CNPY1: variants seen among roughly 807,000 people sequenced by gnomAD.
The protein encoded by CNPY1 is canopy FGF signaling regulator 1.
Under a neutral mutation model 14.4 loss-of-function variants are expected in CNPY1, and 14 were observed. That is an observed-to-expected ratio of 0.97 (90% CI 0.64 to 1.52). CNPY1 has a LOEUF of 1.52. CNPY1 is among the 40% of genes most tolerant of loss of function. The pLI is 0.00. For synonymous variants in CNPY1, 43 were observed against 46.5 expected, an observed-to-expected ratio of 0.92 and a Z score of 0.31; for missense variants, 129 against 131.5, an observed-to-expected ratio of 0.98 and a Z score of 0.09.
chr7:155,518,837 T>G (rs978236949), intron 2 of CNPY1, among the ~76,000 whole-genome samples: 4 of 152,162 alleles, frequency 2.6e-5, no homozygotes, highest in African/African-American at 9.7e-5. Context: ...GGGCAGCCTG[T>G]GTGGTGGAAG....
chr7:155,535,952 T>C (rs1449617155), intron 2 of CNPY1, among the ~76,000 whole-genome samples: 1 of 152,226 alleles, frequency 6.6e-6, no homozygotes, highest in East Asian at 1.9e-4. Context: ...TATTGTGGTA[T>C]GAAGAGGCAG....
chr7:155,509,074 C>T lies in CNPY1; in HGVS notation c.123G>A (p.Ala41=), dbSNP rs370576642. 3.1e-6 allele frequency: 5 copies of T among 1,601,734 alleles called. No homozygotes were observed. Among genetic ancestry groups the T allele is most frequent in the Non-Finnish European group, 3.4e-6 (4 of 1,175,930 alleles). The change falls in exon 3 of 5, where the codon GCG becomes GCA. Residue 41 remains alanine, a synonymous_variant. Coordinates refer to ENST00000636446, the MANE Select transcript of CNPY1 (RefSeq NM_001393663.1). ...RRKIPLAQSE[A]FLTDLLEKVC... Reference sequence around the variant, plus strand: ...CTTTCTCCAAAAGATCCGTTAGGAACGCCTCCGACTGAGCTAGGGGGATCT... The same window carrying T: ...CTTTCTCCAAAAGATCCGTTAGGAATGCCTCCGACTGAGCTAGGGGGATCT...
rs962493692 is a variant in CNPY1, at chr7:155,545,815, A to G, written c.99+16T>C. 2 of 398,468 alleles carry G rather than the reference A, an allele frequency of 5.0e-6. No individual in the cohort carries two copies. The highest frequency in any genetic ancestry group is 4.1e-5 in the African/African-American group (2 of 48,640). The allele number at this position is 398,468 out of a possible 1,614,324, so 24.7% of individuals were successfully genotyped here. ...ATCCGCAATTATACACTGGCACATA[A>G]TATCTTTTCCACTACCTTTCTCCTC... On this transcript the variant is annotated intron_variant, in intron 2 of 4. Transcript: ENST00000636446.
At chr7:155,531,703 G>A (rs1014643929) in intron 2 of CNPY1, among the ~76,000 whole-genome samples, 3 of 152,170 alleles carry the variant, frequency 2.0e-5, no homozygotes, top group African/African-American at 7.2e-5. Context: ...AGCTTTCTCT[G>A]CATTCAGCTT....
Position 155,508,616 on chromosome 7 carries a change from G to A in CNPY1, c.303+278C>T, listed in dbSNP as rs568900817. Among the ~76,000 whole-genome samples, 15 of 152,320 alleles carry A rather than the reference G, an allele frequency of 9.8e-5. No individual in the cohort carries two copies. The South Asian group carries it at 2.7e-3, about 27-fold the overall frequency. Reference sequence around the variant, plus strand: ...TCTGCAAAACTGTCTTAAAGTCCCCGGGACTTGTGCACAGCACCTTCCGTA... The same window carrying A: ...TCTGCAAAACTGTCTTAAAGTCCCCAGGACTTGTGCACAGCACCTTCCGTA... On this transcript the variant is annotated intron_variant, in intron 3 of 4. Coordinates refer to ENST00000636446, the MANE Select transcript of CNPY1 (RefSeq NM_001393663.1).
intron 2 of CNPY1, among the ~76,000 whole-genome samples, chr7:155,520,326 G>C (rs1355461145): frequency 1.3e-5 from 2 of 151,950 alleles, no homozygotes; most frequent in Admixed American, 6.6e-5. Flanking sequence ...GAGCTTCGTT[G>C]TGCCGGCCGA....
chr7:155,519,387 G>A (rs1417405251), intron 2 of CNPY1, among the ~76,000 whole-genome samples: 3 of 152,098 alleles, frequency 2.0e-5, no homozygotes, highest in Admixed American at 2.0e-4. Flanking sequence ...TGGGCATGGT[G>A]GCGAGCACCT....
chr7:155,510,240 C>G (rs1301897857), intron 2 of CNPY1: 2 of 152,208 alleles, frequency 1.3e-5, no homozygotes, highest in Admixed American at 6.5e-5. Context: ...CGCTTCACCG[C>G]CATCTGGCCA....
chr7:155,535,445 C>G (rs1253719765), intron 2 of CNPY1, among the ~76,000 whole-genome samples: 1 of 152,190 alleles, frequency 6.6e-6, no homozygotes, highest in Non-Finnish European at 1.5e-5. Context: ...TGCACACACT[C>G]AGGCACAATG....
chr7:155,543,639 A>G (rs1455620805), intron 2 of CNPY1, among the ~76,000 whole-genome samples: 1 of 152,244 alleles, frequency 6.6e-6, no homozygotes, highest in East Asian at 1.9e-4. Flanking sequence ...AGCCAGAAGC[A>G]GGAACTGCTG....
chr7:155,508,775 G>A, intron 3 of CNPY1, 119 bp downstream of exon 3: 1 of 1,070,568 alleles, frequency 9.3e-7, no homozygotes, highest in South Asian at 1.4e-5. Context: ...ACATTTTAAT[G>A]TGCATTTTGA....
At chr7:155,519,643 A>T (rs2116711884) in intron 2 of CNPY1, among the ~76,000 whole-genome samples, 1 of 152,336 alleles carries the variant, frequency 6.6e-6, no homozygotes. Flanking sequence ...TGGCAAAAAA[A>T]AAGACTATTA....
chr7:155,529,631 T>G (rs972934918), intron 2 of CNPY1, among the ~76,000 whole-genome samples: 6 of 152,188 alleles, frequency 3.9e-5, no homozygotes, highest in African/African-American at 1.4e-4. Context: ...TGTGTCTTTG[T>G]GTCTCCATCT....
At chr7:155,537,672 G>T (rs184998852) in intron 2 of CNPY1, among the ~76,000 whole-genome samples, 3 of 151,976 alleles carry the variant, frequency 2.0e-5, no homozygotes, top group African/African-American at 7.2e-5. Context: ...TGATCCACCC[G>T]TCTTGGCCTC....
chr7:155,534,802 G>A (rs954150913), intron 2 of CNPY1, among the ~76,000 whole-genome samples: 10 of 152,246 alleles, frequency 6.6e-5, no homozygotes, highest in African/African-American at 2.4e-4. Flanking sequence ...AGGGCTTTCT[G>A]GGCACTGAGG....
chr7:155,542,056 A>G (rs1797090718), intron 2 of CNPY1, among the ~76,000 whole-genome samples: 1 of 152,126 alleles, frequency 6.6e-6, no homozygotes, highest in Non-Finnish European at 1.5e-5. Flanking sequence ...GGGGGGCAGA[A>G]GTCTGCTGGG....
chr7:155,516,458 G>A (rs1020922229), intron 2 of CNPY1, among the ~76,000 whole-genome samples: 5 of 152,262 alleles, frequency 3.3e-5, no homozygotes, highest in African/African-American at 2.4e-5. Flanking sequence ...AGCGAGGAGC[G>A]GGCTGGCACA....
chr7:155,523,649 T>C (rs937985829), intron 2 of CNPY1, among the ~76,000 whole-genome samples: 3 of 152,156 alleles, frequency 2.0e-5, no homozygotes, highest in African/African-American at 7.2e-5. Flanking sequence ...ACAAAGCCCA[T>C]CAGCCTCATG....
intron 2 of CNPY1, among the ~76,000 whole-genome samples, chr7:155,538,320 T>C (rs76326990): frequency 5.4e-4 from 82 of 152,304 alleles, no homozygotes; most frequent in African/African-American, 1.9e-3. Flanking sequence ...CCTCTTGTGC[T>C]TGCAAGAAAA....
Sources: gnomAD v4.1 joint callset for allele counts (sites outside exome capture counted in the v4.1 genomes callset) on GRCh38, gnomAD v4.1.1 for gene constraint, MANE v1.5 for transcripts, NCBI Gene and HGNC (gene_info 2026-07-23, HGNC 2026-07-21) for gene names.